Variants in SUGCT observed in about 807,000 individuals in gnomAD.
SUGCT encodes the protein succinyl-CoA:glutarate CoA-transferase.
A neutral mutation model predicts 55.0 loss-of-function variants in SUGCT; 41 were observed. The observed-to-expected ratio is 0.74, with a 90% CI of 0.58 to 0.97. SUGCT has a LOEUF of 0.97. Ranked by LOEUF, SUGCT falls within the 50% of genes least tolerant of loss-of-function variation. The probability of loss-of-function intolerance (pLI) is 0.00; values close to 1 mark genes in which losing one functional copy is unlikely to be tolerated. For synonymous variants in SUGCT, 187 were observed against 200.4 expected (o/e 0.93, Z 0.56); for missense variants, 568 against 547.8 (o/e 1.04, Z -0.37).
chr7:40,698,981 A>C (rs1325714389), intron 12 of SUGCT, among the ~76,000 whole-genome samples: 1 of 152,176 alleles, frequency 6.6e-6, no homozygotes, highest in East Asian at 1.9e-4. Context: ...GTAACATTTT[A>C]AGTTTCTATC....
At chr7:40,817,335 A>G (rs1436448853) in intron 13 of SUGCT, among the ~76,000 whole-genome samples, 2 of 152,162 alleles carry the variant, frequency 1.3e-5, no homozygotes, top group African/African-American at 4.8e-5. Context: ...ATACTATGAG[A>G]ACACAGAGCA....
the SUGCT span, among the ~76,000 whole-genome samples, chr7:41,000,217 C>T: frequency 5.3e-3 from 802 of 152,216 alleles, 2 homozygotes; most frequent in Non-Finnish European, 8.5e-3. Context: ...TACACACACA[C>T]GCATGGACAT....
intron 9 of SUGCT, among the ~76,000 whole-genome samples, chr7:40,429,698 A>G (rs1041690872): frequency 1.5e-4 from 23 of 152,210 alleles, no homozygotes; most frequent in African/African-American, 5.5e-4. Context: ...GTGCACACCC[A>G]GATTGAGGGT....
At chr7:40,747,409 C>T (rs894834669) in intron 12 of SUGCT, among the ~76,000 whole-genome samples, 1 of 152,206 alleles carries the variant, frequency 6.6e-6, no homozygotes, top group Admixed American at 6.5e-5. Context: ...AATTTGAGCT[C>T]TCTCTCCGAG....
At chr7:40,319,974 A>G (rs77187907) in intron 9 of SUGCT, among the ~76,000 whole-genome samples, 1,840 of 152,220 alleles carry the variant, frequency 0.012, 33 homozygotes, top group African/African-American at 0.042. Context: ...GGTACCAGCC[A>G]CAGTGTCTGG....
Position 40,378,219 on chromosome 7 carries a change from TC to T in SUGCT, c.816+61366del, listed in dbSNP as rs398095023. On this transcript the variant is annotated intron_variant, in intron 9 of 13. Coordinates refer to ENST00000335693, the MANE Select transcript of SUGCT (RefSeq NM_001193313.2). ...CTCCTCTTCTCCTCCTTCTCTCTTC[TC>T]CTCTTTTTTTTGGGACTCCTGTTGT... Among the ~76,000 whole-genome samples the T allele has an allele frequency of 1.4e-3, 174 of 120,918 alleles. 1 individual carries two copies. Among genetic ancestry groups the T allele is most frequent in the African/African-American group, 4.6e-3 (167 of 36,044 alleles). The allele number at this position is 120,918 out of a possible 152,430, so 79.3% of individuals were successfully genotyped here.
At chr7:40,206,033 T>A (rs1786957227) in intron 6 of SUGCT, among the ~76,000 whole-genome samples, 1 of 152,134 alleles carries the variant, frequency 6.6e-6, no homozygotes, top group African/African-American at 2.4e-5. Flanking sequence ...TAGGGACCAG[T>A]AAAAGGAAAA....
At position 40,347,024 on chromosome 7, in the gene SUGCT, AAGC is replaced by A. The variant is rs554951850; in HGVS notation, c.816+30172_816+30174del. ...CACTAACACAGATTATGGTACTGAG[AAGC>A]AGAGTGTTGCTGTAACAAATACCTA... On this transcript the variant is annotated intron_variant, in intron 9 of 13. Transcript: ENST00000335693. 1.2e-3 allele frequency among the ~76,000 whole-genome samples: 176 copies of A among 152,344 alleles called. 1 individual carries two copies. The highest frequency in any genetic ancestry group is 4.1e-3 in the African/African-American group (169 of 41,580).
At chr7:40,569,925 A>G (rs964772597) in intron 12 of SUGCT, among the ~76,000 whole-genome samples, 1 of 152,214 alleles carries the variant, frequency 6.6e-6, no homozygotes, top group Non-Finnish European at 1.5e-5. Context: ...TTATGCGATT[A>G]TTCTTTCACC....
At chr7:40,138,331 C>CT (rs1231456152) in intron 1 of SUGCT, among the ~76,000 whole-genome samples, 2 of 152,134 alleles carry the variant, frequency 1.3e-5, no homozygotes, top group East Asian at 1.9e-4. Flanking sequence ...TAATTTCATT[C>CT]TTTTTTATGG....
chr7:40,789,666 G>T (rs1790209097), intron 13 of SUGCT, among the ~76,000 whole-genome samples: 1 of 152,056 alleles, frequency 6.6e-6, no homozygotes, highest in Non-Finnish European at 1.5e-5. Flanking sequence ...TTTTGAATTG[G>T]GCTCTTGAGA....
At chr7:40,387,451 A>G (rs1420182341) in intron 9 of SUGCT, among the ~76,000 whole-genome samples, 6 of 152,202 alleles carry the variant, frequency 3.9e-5, no homozygotes, top group Admixed American at 2.0e-4. Context: ...GAACAACAGA[A>G]CACAGGAAAC....
intron 12 of SUGCT, among the ~76,000 whole-genome samples, chr7:40,653,672 A>G (rs1279839939): frequency 2.0e-5 from 3 of 152,138 alleles, no homozygotes; most frequent in African/African-American, 7.2e-5. Context: ...CAGCTGCAGG[A>G]GGTCCTAATC....
intron 8 of SUGCT, among the ~76,000 whole-genome samples, chr7:40,297,899 C>A (rs1270798533): frequency 6.6e-6 from 1 of 151,914 alleles, no homozygotes; most frequent in Non-Finnish European, 1.5e-5. Flanking sequence ...TTTGTCCCTG[C>A]CCAAAATTTA....
At chr7:40,436,050 T>A (rs930337685) in intron 9 of SUGCT, among the ~76,000 whole-genome samples, 1 of 151,366 alleles carries the variant, frequency 6.6e-6, no homozygotes, top group African/African-American at 2.4e-5. Context: ...TTCAAGCAAT[T>A]CTCCTGCCTC....
chr7:40,812,136 T>C (rs67648979), intron 13 of SUGCT, among the ~76,000 whole-genome samples: 17,545 of 152,184 alleles, frequency 0.12, 1,322 homozygotes, highest in South Asian at 0.23. Context: ...TTAACTTTTT[T>C]TGTGTCCTGT....
Position 40,233,877 on chromosome 7 carries a change from G to A in SUGCT, c.485-3758G>A, listed in dbSNP as rs146027801. ...ACATTGAGGCTTAGGAAGATTGAATGAATTGTCAAAGATTTAATAGTTGGC... is the reference window on the plus strand; with the variant it reads ...ACATTGAGGCTTAGGAAGATTGAATAAATTGTCAAAGATTTAATAGTTGGC... On this transcript the variant is annotated intron_variant, in intron 6 of 13. Transcript: ENST00000335693. 9.6e-4 allele frequency among the ~76,000 whole-genome samples: 146 copies of A among 152,266 alleles called. 2 individuals are homozygous for A. In the East Asian group the frequency reaches 0.025, roughly 26 times the overall value.
intron 8 of SUGCT, among the ~76,000 whole-genome samples, chr7:40,292,344 C>A (rs2151054246): frequency 6.6e-6 from 1 of 152,018 alleles, no homozygotes. Flanking sequence ...TTTTAAAGTT[C>A]CAGAAACACT....
intron 12 of SUGCT, among the ~76,000 whole-genome samples, chr7:40,542,898 G>A (rs1381794193): frequency 2.0e-5 from 3 of 152,156 alleles, no homozygotes; most frequent in Admixed American, 6.5e-5. Flanking sequence ...AGGATTATGA[G>A]TCTCAAGCAT....
Sources: gnomAD v4.1 joint callset for allele counts (sites outside exome capture counted in the v4.1 genomes callset) on GRCh38, gnomAD v4.1.1 for gene constraint, MANE v1.5 for transcripts, NCBI Gene and HGNC (gene_info 2026-07-23, HGNC 2026-07-21) for gene names.